Variants in GULP1 observed in about 807,000 individuals in gnomAD.
The protein encoded by GULP1 is GULP PTB domain containing engulfment adaptor 1, also known as PTB domain-containing engulfment adapter protein 1.
GULP1 carries 19 observed loss-of-function variants against 40.9 expected under a neutral mutation model. That is an observed-to-expected ratio of 0.46 (90% CI 0.32 to 0.68). The LOEUF (loss-of-function observed/expected upper bound fraction) is 0.68. GULP1 is among the 30% of genes least tolerant of loss of function. The pLI, the probability that GULP1 is intolerant of heterozygous loss-of-function variation, is 0.03. For synonymous variants in GULP1, 119 were observed against 117.6 expected, an observed-to-expected ratio of 1.01 and a Z score of -0.08; for missense variants, 312 against 362.2, an observed-to-expected ratio of 0.86 and a Z score of 1.12.
chr2:188,355,645 AGAG>A, intron 1 of GULP1, among the ~76,000 whole-genome samples: 1 of 152,096 alleles, frequency 6.6e-6, no homozygotes, highest in Non-Finnish European at 1.5e-5. Flanking sequence ...AAAAAATTGA[AGAG>A]GAGAAAATTC....
intron 9 of GULP1, among the ~76,000 whole-genome samples, chr2:188,572,844 T>G (rs768760945): frequency 2.0e-5 from 3 of 152,064 alleles, no homozygotes; most frequent in Admixed American, 6.6e-5. Context: ...TAGTGGTTGC[T>G]GGGGGCTGGG....
chr2:188,418,526 A>C (rs377673614), intron 2 of GULP1, among the ~76,000 whole-genome samples: 3 of 152,100 alleles, frequency 2.0e-5, no homozygotes, highest in Non-Finnish European at 4.4e-5. Context: ...CCAGCTACGC[A>C]GGAGGCTGAG....
chr2:188,395,166 G>A (rs927803964), intron 2 of GULP1, among the ~76,000 whole-genome samples: 4 of 152,106 alleles, frequency 2.6e-5, no homozygotes, highest in East Asian at 1.9e-4. Context: ...TTATCAGGGG[G>A]AACAGTCGGA....
At chr2:188,364,142 G>A (rs780610809) in intron 1 of GULP1, among the ~76,000 whole-genome samples, 1 of 152,108 alleles carries the variant, frequency 6.6e-6, no homozygotes, top group Non-Finnish European at 1.5e-5. Flanking sequence ...ATAAATCCTT[G>A]TGGATTCCTA....
At chr2:188,436,982 T>C (rs1253629047) in intron 2 of GULP1, among the ~76,000 whole-genome samples, 1 of 152,144 alleles carries the variant, frequency 6.6e-6, no homozygotes, top group Non-Finnish European at 1.5e-5. Context: ...ATCACTTACC[T>C]GGACCACAGC....
intron 5 of GULP1, among the ~76,000 whole-genome samples, chr2:188,525,703 T>G (rs1254273756): frequency 6.6e-6 from 1 of 152,172 alleles, no homozygotes; most frequent in Non-Finnish European, 1.5e-5. Flanking sequence ...ATCCCCTCAC[T>G]GCAGTACAAC....
rs146935774 is a variant in GULP1 at position 188,409,456 on chromosome 2, A to C, written c.-45+25567A>C. ...CAATAATGAATAATGAGATTGAATC[A>C]GTAATAAAATTTCTCCCATGAAGGA... On this transcript the variant is annotated intron_variant, in intron 2 of 11. Transcript: ENST00000409830. Among the ~76,000 whole-genome samples the C allele has an allele frequency of 8.1e-4, 123 of 152,320 alleles. No homozygotes were observed. In the East Asian group the frequency reaches 0.023, roughly 28 times the overall value.
chr2:188,423,760 T>C (rs2055777960), intron 2 of GULP1, among the ~76,000 whole-genome samples: 2 of 152,042 alleles, frequency 1.3e-5, no homozygotes, highest in East Asian at 3.9e-4. Context: ...ATTAGTTAGC[T>C]TTTCAAATTA....
intron 2 of GULP1, among the ~76,000 whole-genome samples, chr2:188,475,201 A>G (rs1015712894): frequency 2.0e-5 from 3 of 152,148 alleles, no homozygotes; most frequent in African/African-American, 4.8e-5. Flanking sequence ...ATAAAATGCT[A>G]AGAAGTGGGG....
At chr2:188,367,700 A>G (rs1305107698) in intron 1 of GULP1, among the ~76,000 whole-genome samples, 1 of 152,210 alleles carries the variant, frequency 6.6e-6, no homozygotes, top group Admixed American at 6.5e-5. Flanking sequence ...ATGCACAATT[A>G]GGAACGTGGT....
At chr2:188,368,939 G>GTGTATATATATATATATATATA (rs1272494109) in intron 1 of GULP1, among the ~76,000 whole-genome samples, 3 of 86,078 alleles carry the variant, frequency 3.5e-5, no homozygotes, top group Non-Finnish European at 4.6e-5. Context: ...ATATATGTGT[G>GTGTATATATATATATATATATA]TATATATATA....
chr2:188,388,188 A>G (rs959326128), intron 2 of GULP1, among the ~76,000 whole-genome samples: 2 of 151,986 alleles, frequency 1.3e-5, no homozygotes, highest in African/African-American at 4.8e-5. Flanking sequence ...AATTTCATCC[A>G]TGTCCCTACA....
chr2:188,369,986 G>A (rs1375722440), intron 1 of GULP1, among the ~76,000 whole-genome samples: 2 of 152,140 alleles, frequency 1.3e-5, no homozygotes, highest in East Asian at 3.9e-4. Context: ...GGGACTACAG[G>A]TGTGTGCCAA....
At chr2:188,368,939 G>GTGTGTGTATGTATA (rs1272494109) in intron 1 of GULP1, among the ~76,000 whole-genome samples, 1 of 86,088 alleles carries the variant, frequency 1.2e-5, no homozygotes, top group African/African-American at 4.1e-5. Context: ...ATATATGTGT[G>GTGTGTGTATGTATA]TATATATATA....
At chr2:188,434,442 G>A (rs1380999347) in intron 2 of GULP1, among the ~76,000 whole-genome samples, 1 of 150,938 alleles carries the variant, frequency 6.6e-6, no homozygotes, top group Non-Finnish European at 1.5e-5. Flanking sequence ...ACATGTTTTT[G>A]AATTTAAAGT....
At chr2:188,522,124 A>G (rs749581151) in intron 4 of GULP1, among the ~76,000 whole-genome samples, 18 of 152,170 alleles carry the variant, frequency 1.2e-4, no homozygotes, top group Non-Finnish European at 2.4e-4. Flanking sequence ...ACAATTGTAG[A>G]TCATGTATGT....
intron 2 of GULP1, among the ~76,000 whole-genome samples, chr2:188,393,797 G>T (rs966545389): frequency 3.1e-4 from 47 of 152,016 alleles, no homozygotes; most frequent in African/African-American, 9.9e-4. Context: ...AGTTTTACTG[G>T]ATACAAAATT....
At position 188,547,478 on chromosome 2, in the gene GULP1, A is replaced by T. The variant is rs747642729; in HGVS notation, c.399+6160A>T. Among the ~76,000 whole-genome samples, 8 of 152,080 alleles carry T rather than the reference A, an allele frequency of 5.3e-5. 1 individual carries two copies. The highest frequency in any genetic ancestry group is 3.3e-4 in the Admixed American group (5 of 15,246). On this transcript the variant is annotated intron_variant, in intron 7 of 11. Coordinates refer to ENST00000409830, the MANE Select transcript of GULP1 (RefSeq NM_016315.4). ...CCAGTCATAGTCCCAAAGCTGAAAA[A>T]CTTGAAGTCCAATCTTCAAGGGCAG...
At chr2:188,550,767 T>G (rs190408454) in intron 7 of GULP1, among the ~76,000 whole-genome samples, 214 of 151,710 alleles carry the variant, frequency 1.4e-3, no homozygotes, top group African/African-American at 5.0e-3. Context: ...TGTTAATAAT[T>G]TTTGAATCAC....
Sources: allele counts gnomAD v4.1 joint callset (sites outside exome capture counted in the v4.1 genomes callset), GRCh38; gene constraint gnomAD v4.1.1; transcripts MANE v1.5; gene names NCBI Gene and HGNC (gene_info 2026-07-23, HGNC 2026-07-21).